The following SRGAP2 variants were observed in gnomAD, a reference collection of about 807,000 sequenced individuals.
The protein encoded by SRGAP2 is SLIT-ROBO Rho GTPase-activating protein 2.
Under a neutral mutation model 57.2 loss-of-function variants are expected in SRGAP2, and 15 were observed. That is an observed-to-expected ratio of 0.26 (90% CI 0.18 to 0.40). SRGAP2 has a LOEUF of 0.40. SRGAP2 is among the 10% of genes least tolerant of loss of function. SRGAP2 has a pLI of 1.00. For missense variants in SRGAP2, 520 were observed against 669.6 expected (o/e 0.78, Z 2.47); for synonymous variants, 249 against 248.0 (o/e 1.00, Z -0.04).
chr1:206,278,012 C>T (rs1416783133), intron 2 of SRGAP2, among the ~76,000 whole-genome samples: 8 of 151,566 alleles, frequency 5.3e-5, no homozygotes, highest in Admixed American at 3.9e-4. Context: ...GAGTAGAAGA[C>T]GCTTTTTTTC....
chr1:206,389,351 G>A (rs536307306), intron 5 of SRGAP2, among the ~76,000 whole-genome samples: 75 of 151,694 alleles, frequency 4.9e-4, no homozygotes, highest in Non-Finnish European at 8.4e-4. Flanking sequence ...ATTTATTTTT[G>A]TATTTTTAGT....
chr1:206,432,391 A>G (rs1661350250), intron 14 of SRGAP2, among the ~76,000 whole-genome samples: 2 of 152,214 alleles, frequency 1.3e-5, no homozygotes, highest in African/African-American at 4.8e-5. Context: ...CTTCATATGC[A>G]CTTACGATCC....
intron 13 of SRGAP2, among the ~76,000 whole-genome samples, chr1:206,424,995 A>G (rs1447793704): frequency 1.3e-5 from 2 of 152,192 alleles, no homozygotes; most frequent in African/African-American, 4.8e-5. Flanking sequence ...GTAACCACGG[A>G]CATGCAGGTT....
chr1:206,440,215 T>TAG, intron 17 of SRGAP2, 134 bp downstream of exon 17: 1 of 614,882 alleles, frequency 1.6e-6, no homozygotes. Flanking sequence ...GCCACAGTGC[T>TAG]AGACTTATTT....
chr1:206,259,482 G>A (rs1398511895), intron 2 of SRGAP2, among the ~76,000 whole-genome samples: 2 of 151,770 alleles, frequency 1.3e-5, no homozygotes, highest in African/African-American at 2.4e-5. Context: ...GACCACAGGT[G>A]CGTGCCACCA....
Position 206,421,267 on chromosome 1 carries a change from G to A in SRGAP2, c.1487G>A (p.Arg496Lys), listed in dbSNP as rs189377713. 379 of 779,078 alleles carry A rather than the reference G, an allele frequency of 4.9e-4. No individual in the cohort carries two copies. The African/African-American group carries it at 5.3e-3, about 11-fold the overall frequency. 48.3% of individuals were successfully genotyped at this position (779,078 alleles called of 1,614,324 possible). A position where few individuals can be genotyped will look rare whatever the true frequency, so the allele number is the denominator to read the frequency against. The part of the protein sequence containing the change: ...CSLARRSSTV[R>K]KQDSSQAIPL... ...GGTCACAGGCGCAGCTCAACTGTGA[G>A]GAAACAGGTAAGGGCCCAAGCGGGG... The change falls in exon 13 of 23, where the codon AGG becomes AAG. Residue 496 changes from arginine to lysine, a missense_variant. Arg to Lys is a conservative substitution (Grantham distance 26). Coordinates refer to ENST00000573034, the MANE Select transcript of SRGAP2 (RefSeq NM_015326.5).
At chr1:206,326,212 TAGAG>T (rs1179524300) in intron 3 of SRGAP2, among the ~76,000 whole-genome samples, 7 of 144,648 alleles carry the variant, frequency 4.8e-5, no homozygotes, top group East Asian at 2.0e-4. Flanking sequence ...GGCCACAGAA[TAGAG>T]AGAGTGAAGG....
intron 3 of SRGAP2, among the ~76,000 whole-genome samples, chr1:206,339,116 A>G (rs544606626): frequency 1.2e-3 from 181 of 150,892 alleles, no homozygotes; most frequent in African/African-American, 4.0e-3. Flanking sequence ...AGATGGAAAA[A>G]AGAAGATATT....
chr1:206,439,274 A>G (rs112350051), intron 16 of SRGAP2, among the ~76,000 whole-genome samples: 3 of 152,118 alleles, frequency 2.0e-5, no homozygotes, highest in African/African-American at 4.8e-5. Flanking sequence ...TAATTGACCT[A>G]TAATTAACCT....
rs577375533 is a variant in SRGAP2 at position 206,394,038 on chromosome 1, C to CTTTT, written c.831+388_831+391dup. On this transcript the variant is annotated intron_variant, in intron 7 of 22. Coordinates refer to ENST00000573034, the MANE Select transcript of SRGAP2 (RefSeq NM_015326.5). ...CTATCTGCCAGGAAATACTTTCTTC[C>CTTTT]TTTTTTTTTTTTTTTTTTTTTTTTT... is the stretch of plus-strand genomic sequence containing the variant. 6.4e-4 allele frequency among the ~76,000 whole-genome samples: 32 copies of CTTTT among 49,904 alleles called. 4 individuals are homozygous for CTTTT. The highest frequency in any genetic ancestry group is 3.0e-3 in the African/African-American group (22 of 7,356). 32.7% of individuals were successfully genotyped at this position (49,904 alleles called of 152,430 possible).
At chr1:206,372,997 C>CT (rs1256063477) in intron 4 of SRGAP2, among the ~76,000 whole-genome samples, 3 of 97,568 alleles carry the variant, frequency 3.1e-5, no homozygotes, top group African/African-American at 1.3e-4. Flanking sequence ...TTCTTTCTTT[C>CT]TTTCTTTCTT....
intron 2 of SRGAP2, among the ~76,000 whole-genome samples, chr1:206,245,520 G>A (rs1320345419): frequency 1.3e-5 from 2 of 152,146 alleles, no homozygotes; most frequent in Admixed American, 6.5e-5. Context: ...CCAGTTTGTT[G>A]AAGATGATAA....
At chr1:206,276,888 A>G (rs1670442944) in intron 2 of SRGAP2, among the ~76,000 whole-genome samples, 1 of 151,950 alleles carries the variant, frequency 6.6e-6, no homozygotes, top group East Asian at 1.9e-4. Flanking sequence ...TTTGCTGCCT[A>G]GTCCTGTTGA....
At chr1:206,244,952 C>T (rs1188857470) in intron 2 of SRGAP2, among the ~76,000 whole-genome samples, 2 of 149,498 alleles carry the variant, frequency 1.3e-5, no homozygotes, top group African/African-American at 4.9e-5. Context: ...TGGTGAACAG[C>T]ATGTTCTTGT....
intron 13 of SRGAP2, among the ~76,000 whole-genome samples, chr1:206,423,096 C>T (rs147491666): frequency 5.9e-5 from 9 of 152,290 alleles, no homozygotes; most frequent in East Asian, 5.8e-4. Flanking sequence ...TAATGGGTTC[C>T]GGTCATTTTT....
intron 3 of SRGAP2, among the ~76,000 whole-genome samples, chr1:206,332,504 A>G (rs1553332207): frequency 3.3e-5 from 5 of 150,434 alleles, no homozygotes; most frequent in South Asian, 4.2e-4. Flanking sequence ...GGCTTTGCTC[A>G]TTTCTTTTTA....
chr1:206,418,277 A>C (rs1352819653), intron 11 of SRGAP2, among the ~76,000 whole-genome samples: 1 of 152,220 alleles, frequency 6.6e-6, no homozygotes, highest in Non-Finnish European at 1.5e-5. Flanking sequence ...GCTCAGAATA[A>C]TATTTTTGCA....
In SRGAP2 at chr1:206,446,093, A is replaced by C. The variant is rs1662733402; in HGVS notation, c.1893A>C (p.Glu631Asp). ...CCTCCAGTTTATCACAGTTCAGTGA[A>C]GAGAACATGATGGACCCCTACAACC... is the stretch of plus-strand genomic sequence containing the variant. Reference protein sequence around the residue: ...AFLNHLSQFSEENMMDPYNLA... With the variant: ...AFLNHLSQFSDENMMDPYNLA... Residue 631 changes from glutamate to aspartate, a missense_variant, in exon 18 of 23, where the codon GAA (glutamate) becomes GAC (aspartate). Glu to Asp is a conservative substitution (Grantham distance 45, BLOSUM62 2). This residue lies in a region of SRGAP2 where 478 missense variants were observed against 373.6 expected (regional missense o/e 1.28). Coordinates refer to ENST00000573034, the MANE Select transcript of SRGAP2 (RefSeq NM_015326.5). 1 of 780,944 alleles carries C rather than the reference A, an allele frequency of 1.3e-6. No individual in the cohort carries two copies. The highest frequency in any genetic ancestry group is 2.4e-6 in the Non-Finnish European group (1 of 418,014). The allele number at this position is 780,944 out of a possible 1,614,324, so 48.4% of individuals were successfully genotyped here.
At chr1:206,378,350 C>T (rs1655399987) in intron 4 of SRGAP2, among the ~76,000 whole-genome samples, 1 of 152,160 alleles carries the variant, frequency 6.6e-6, no homozygotes, top group Non-Finnish European at 1.5e-5. Flanking sequence ...CATGTTGGTA[C>T]ACATCTGTCG....
Sources: allele counts gnomAD v4.1 joint callset (sites outside exome capture counted in the v4.1 genomes callset), GRCh38; gene constraint gnomAD v4.1.1; regional missense constraint gnomAD v4.1.1; transcripts MANE v1.5; gene names NCBI Gene and HGNC (gene_info 2026-07-23, HGNC 2026-07-21).